RPGRIP1L: variants seen among roughly 807,000 people sequenced by gnomAD.
RPGRIP1L encodes the protein protein fantom.
Under a neutral mutation model 160.4 loss-of-function variants are expected in RPGRIP1L, and 131 were observed. The observed-to-expected ratio is 0.82, with a 90% confidence interval of 0.71 to 0.94. The LOEUF (loss-of-function observed/expected upper bound fraction) is 0.94, where lower values mean the gene tolerates loss of function less well. Among genes scored for constraint, RPGRIP1L ranks in the 40% least tolerant of loss-of-function variants. The probability of loss-of-function intolerance (pLI) is 0.00; values close to 1 mark genes in which losing one functional copy is unlikely to be tolerated. For missense variants in RPGRIP1L, 1,522 were observed against 1,535.8 expected, an observed-to-expected ratio of 0.99 and a Z score of 0.15; for synonymous variants, 510 against 515.8, an observed-to-expected ratio of 0.99 and a Z score of 0.15.
chr16:53,636,946 AC>A (rs1241528420), intron 21 of RPGRIP1L, among the ~76,000 whole-genome samples: 3 of 43,640 alleles, frequency 6.9e-5, no homozygotes, highest in Non-Finnish European at 1.2e-4. Flanking sequence ...TATTTGACAC[AC>A]ACACACACAC....
intron 6 of RPGRIP1L, 91 bp from the exon 7 acceptor site, chr16:53,675,213 T>A: frequency 1.3e-6 from 1 of 778,152 alleles, no homozygotes; most frequent in South Asian, 1.5e-5. Flanking sequence ...TTTCAACTAA[T>A]GTTACATAGA....
At position 53,602,038 on chromosome 16, in the gene RPGRIP1L, T is replaced by G. The variant is rs1227143454; in HGVS notation, c.*38A>C. The G allele has an allele frequency of 8.5e-7, 1 of 1,175,488 alleles. No homozygotes were observed. Among genetic ancestry groups the G allele is most frequent in the Admixed American group, 1.7e-5 (1 of 58,420 alleles). The allele number at this position is 1,175,488 out of a possible 1,614,324, so 72.8% of individuals were successfully genotyped here. Reference sequence around the variant, plus strand: ...CATGTAGGAACTTTCATGTGAGCATTTACTGAGGAGTAGGAGATGCCTCTG... The same window carrying G: ...CATGTAGGAACTTTCATGTGAGCATGTACTGAGGAGTAGGAGATGCCTCTG... On this transcript the variant is annotated 3_prime_UTR_variant, in exon 27 of 27. Transcript: ENST00000647211.
At chr16:53,685,656 G>C (rs1470232305) in intron 6 of RPGRIP1L, among the ~76,000 whole-genome samples, 1 of 146,418 alleles carries the variant, frequency 6.8e-6, no homozygotes, top group African/African-American at 2.5e-5. Context: ...TAAATGATAA[G>C]AACACATGGA....
chr16:53,604,138 A>T (rs1178971144), intron 26 of RPGRIP1L, among the ~76,000 whole-genome samples: 1 of 152,236 alleles, frequency 6.6e-6, no homozygotes, highest in Non-Finnish European at 1.5e-5. Flanking sequence ...TCTCTGTGCC[A>T]AAGTTGTGAC....
intron 22 of RPGRIP1L, among the ~76,000 whole-genome samples, chr16:53,626,115 G>A (rs945858091): frequency 2.0e-5 from 2 of 101,530 alleles, no homozygotes; most frequent in Non-Finnish European, 3.6e-5. Context: ...CCCCCTCTCC[G>A]AGAAACAACC....
rs542499704 is a variant in RPGRIP1L, at chr16:53,671,383, T to C, written c.1103+127A>G. 88 of 670,920 alleles carry C rather than the reference T, an allele frequency of 1.3e-4. No individual in the cohort carries two copies. The South Asian group carries it at 1.4e-3, about 11-fold the overall frequency. 41.6% of individuals were successfully genotyped at this position (670,920 alleles called of 1,614,324 possible). A position where few individuals can be genotyped will look rare whatever the true frequency, so the allele number is the denominator to read the frequency against. On this transcript the variant is annotated intron_variant, in intron 9 of 26. Coordinates refer to ENST00000647211, the MANE Select transcript of RPGRIP1L (RefSeq NM_015272.5). ...AAGCTTGTATTTCCTTTATACAGTT[T>C]GCATATTTCTTGCTATCATTTGTTG...
At chr16:53,698,239 C>T (rs1446511461) in intron 2 of RPGRIP1L, among the ~76,000 whole-genome samples, 43 of 148,078 alleles carry the variant, frequency 2.9e-4, no homozygotes, top group African/African-American at 8.4e-4. Flanking sequence ...GGAGCCTCTC[C>T]GCCCGGCAGC....
At chr16:53,649,519 T>C (rs1030964512) in intron 15 of RPGRIP1L, among the ~76,000 whole-genome samples, 5 of 152,212 alleles carry the variant, frequency 3.3e-5, no homozygotes, top group African/African-American at 9.6e-5. Context: ...CTCAAAAGTA[T>C]AAATATGACA....
At chr16:53,606,656 C>T (rs997712028) in intron 25 of RPGRIP1L, among the ~76,000 whole-genome samples, 3 of 152,136 alleles carry the variant, frequency 2.0e-5, no homozygotes, top group African/African-American at 7.2e-5. Flanking sequence ...CTCTGTCACC[C>T]AGGCTGGAGT....
chr16:53,697,890 C>T (rs1319819710), intron 2 of RPGRIP1L, among the ~76,000 whole-genome samples: 15 of 151,152 alleles, frequency 9.9e-5, no homozygotes, highest in African/African-American at 2.2e-4. Flanking sequence ...CGTCTCTGCC[C>T]GGCCGCCATC....
At chr16:53,636,555 A>C in intron 21 of RPGRIP1L, 43 bp from the exon 22 acceptor site, 2 of 1,303,644 alleles carry the variant, frequency 1.5e-6, no homozygotes, top group Non-Finnish European at 2.2e-6. Context: ...AAGTTAAACC[A>C]ATTCTACTTA....
chr16:53,677,090 G>C (rs531101874), intron 6 of RPGRIP1L, among the ~76,000 whole-genome samples: 2 of 152,096 alleles, frequency 1.3e-5, no homozygotes, highest in Non-Finnish European at 2.9e-5. Flanking sequence ...AAACCAGTAA[G>C]CATATGTCAA....
At chr16:53,625,295 C>T (rs932890014) in intron 22 of RPGRIP1L, among the ~76,000 whole-genome samples, 9 of 151,440 alleles carry the variant, frequency 5.9e-5, no homozygotes, top group African/African-American at 2.2e-4. Flanking sequence ...CTCTGCCAGC[C>T]GCCCATCGTC....
chr16:53,690,121 A>C (rs1408674317), intron 4 of RPGRIP1L, among the ~76,000 whole-genome samples: 1 of 152,250 alleles, frequency 6.6e-6, no homozygotes, highest in Non-Finnish European at 1.5e-5. Flanking sequence ...TGAATAATAC[A>C]GAAACAAAAC....
Position 53,599,282 on chromosome 16 carries a change from T to TC in RPGRIP1L, c.*2793_*2794insG, listed in dbSNP as rs1172857728. 6.6e-6 allele frequency: 1 copy of TC among 152,216 alleles called. No homozygotes were observed. Among genetic ancestry groups the TC allele is most frequent in the Non-Finnish European group, 1.5e-5 (1 of 68,036 alleles). 9.4% of individuals were successfully genotyped at this position (152,216 alleles called of 1,614,324 possible). A position where few individuals can be genotyped will look rare whatever the true frequency, so the allele number is the denominator to read the frequency against. On this transcript the variant is annotated 3_prime_UTR_variant, in exon 27 of 27. Coordinates refer to ENST00000647211, the MANE Select transcript of RPGRIP1L (RefSeq NM_015272.5). ...TTGATTAAACATATTCTTTATGTAT[T>TC]TTTAAAAAAACTAATTTAAGTTAAA...
rs576417383 is a variant in RPGRIP1L at position 53,641,320 on chromosome 16, G to T, written c.2839C>A (p.Leu947Ile). The T allele has an allele frequency of 6.2e-7, 1 of 1,614,048 alleles. No individual in the cohort carries two copies. Among genetic ancestry groups the T allele is most frequent in the Non-Finnish European group, 8.5e-7 (1 of 1,179,970 alleles). ...RSEEPEVVQR[L>I]PPASSVSTLV... ...GTGCTAACAGAGGATGCTGGAGGAA[G>T]TCTTTGAACAACTTCTGGCTCTTCG... The change falls in exon 18 of 27, where the codon CTT becomes ATT. Residue 947 changes from leucine to isoleucine, a missense_variant. By Grantham distance (5) the Leu-to-Ile change is conservative. Transcript: ENST00000647211.
chr16:53,686,625 C>G lies in RPGRIP1L; in HGVS notation c.633-49G>C, dbSNP rs375414696. On this transcript the variant is annotated intron_variant, in intron 5 of 26. Transcript: ENST00000647211. ...AACTTGTAGTTTGAGGAAAATTTTT[C>G]AATAGTTAAGATCAGTGCAAAGAAA... 1.8e-5 allele frequency: 28 copies of G among 1,599,570 alleles called. No homozygotes were observed. In the African/African-American group the frequency reaches 3.5e-4, roughly 20 times the overall value.
chr16:53,686,314 A>G, intron 6 of RPGRIP1L, 119 bp downstream of exon 6: 1 of 1,102,918 alleles, frequency 9.1e-7, no homozygotes, highest in East Asian at 2.6e-5. Flanking sequence ...TATATGAAGA[A>G]TGTTAAGTAA....
At chr16:53,636,191 C>T (rs1258518821) in intron 22 of RPGRIP1L, among the ~76,000 whole-genome samples, 1 of 152,084 alleles carries the variant, frequency 6.6e-6, no homozygotes, top group Non-Finnish European at 1.5e-5. Context: ...CAGCAAGTAG[C>T]TATTGGAGGT....
Sources: gnomAD v4.1 joint callset for allele counts (sites outside exome capture counted in the v4.1 genomes callset) on GRCh38, gnomAD v4.1.1 for gene constraint, MANE v1.5 for transcripts, NCBI Gene and HGNC (gene_info 2026-07-23, HGNC 2026-07-21) for gene names.